The following PARD3B variants were observed in gnomAD, a reference collection of about 807,000 sequenced individuals.
The protein encoded by PARD3B is par-3 family cell polarity regulator beta, also known as partitioning defective 3 homolog B.
PARD3B carries 103 observed loss-of-function variants against 130.2 expected under a neutral mutation model. The ratio of observed to expected loss-of-function variants is 0.79; its 90% CI spans 0.67 to 0.93. The LOEUF is 0.93. Ranked by LOEUF, PARD3B falls within the 40% of genes least tolerant of loss-of-function variation. The pLI, the probability that PARD3B is intolerant of heterozygous loss-of-function variation, is 0.00. For missense variants in PARD3B, 1,609 were observed against 1,499.2 expected (o/e 1.07, Z -1.21); for synonymous variants, 583 against 553.2 (o/e 1.05, Z -0.76).
intron 18 of PARD3B, among the ~76,000 whole-genome samples, chr2:205,389,820 T>A (rs1008101228): frequency 5.3e-5 from 8 of 152,224 alleles, no homozygotes; most frequent in African/African-American, 1.9e-4. Flanking sequence ...ATAGACATCA[T>A]GTTTTTTATA....
At chr2:205,053,978 A>AT (rs879551667) in intron 4 of PARD3B, among the ~76,000 whole-genome samples, 6 of 152,156 alleles carry the variant, frequency 3.9e-5, no homozygotes, top group Non-Finnish European at 7.3e-5. Context: ...CTGTGTGCTG[A>AT]TAAGACCAGA....
At position 205,287,391 on chromosome 2, in the gene PARD3B, G is replaced by C. The variant is rs569439002; in HGVS notation, c.2186-13139G>C. Among the ~76,000 whole-genome samples the C allele has an allele frequency of 6.6e-6, 1 of 152,156 alleles. No homozygotes were observed. Among genetic ancestry groups the C allele is most frequent in the Non-Finnish European group, 1.5e-5 (1 of 68,028 alleles). ...GTCTCCATGTCAGCAGTACTCTCTC[G>C]TGCAGTTCTGGTTCCTCTCTTCAGA... On this transcript the variant is annotated intron_variant, in intron 16 of 22. Transcript: ENST00000406610. This position sits in a 1 kb window ranked among gnomAD's most constrained non-coding sequence, Gnocchi z 4.8.
intron 6 of PARD3B, among the ~76,000 whole-genome samples, chr2:205,117,767 A>T (rs16824701): frequency 0.041 from 6,271 of 152,240 alleles, 262 homozygotes; most frequent in African/African-American, 0.11. Flanking sequence ...TATCTTTCTT[A>T]CTCTGGACAC....
chr2:205,102,999 C>T lies in PARD3B; in HGVS notation c.505-1427C>T, dbSNP rs187574815. 9.2e-5 allele frequency among the ~76,000 whole-genome samples: 14 copies of T among 151,786 alleles called. 1 individual carries two copies. The highest frequency in any genetic ancestry group is 3.9e-4 in the East Asian group (2 of 5,174). ...AGGAGAATGGCATGAATCAGGGAGG[C>T]GGAGGTTGCAGTGAGCCGAGATCAT... On this transcript the variant is annotated intron_variant, in intron 4 of 22. Coordinates refer to ENST00000406610, the MANE Select transcript of PARD3B (RefSeq NM_001302769.2).
At chr2:205,514,610 AAAGAT>A (rs1447896693) in intron 21 of PARD3B, among the ~76,000 whole-genome samples, 3 of 116,474 alleles carry the variant, frequency 2.6e-5, no homozygotes. Flanking sequence ...ATAGAAATAT[AAAGAT>A]AGATACAGAC....
chr2:205,255,871 A>C (rs969255382), intron 16 of PARD3B, among the ~76,000 whole-genome samples: 2 of 152,060 alleles, frequency 1.3e-5, no homozygotes, highest in Non-Finnish European at 2.9e-5. Context: ...GGCTTCCGTA[A>C]GTAGGTAGGA....
At chr2:205,514,581 T>TATAGATAG (rs71933636) in intron 21 of PARD3B, among the ~76,000 whole-genome samples, 7 of 147,540 alleles carry the variant, frequency 4.7e-5, no homozygotes, top group African/African-American at 1.7e-4. Context: ...TACATATCAA[T>TATAGATAG]ACAGATAGAT....
intron 2 of PARD3B, among the ~76,000 whole-genome samples, chr2:204,903,768 TCTAA>T (rs1336106960): frequency 2.6e-5 from 4 of 152,238 alleles, no homozygotes; most frequent in African/African-American, 4.8e-5. Context: ...TATTTTTGCC[TCTAA>T]CTATCATTTA....
chr2:205,072,721 G>A (rs965871328), intron 4 of PARD3B, among the ~76,000 whole-genome samples: 34 of 151,998 alleles, frequency 2.2e-4, no homozygotes, highest in African/African-American at 8.0e-4. Flanking sequence ...ATCCTTCTCT[G>A]TAACTGCATT....
intron 15 of PARD3B, among the ~76,000 whole-genome samples, chr2:205,214,018 T>C (rs2125855236): frequency 6.6e-6 from 1 of 152,232 alleles, no homozygotes; most frequent in Middle Eastern, 3.4e-3. Context: ...TGGCCCCTCC[T>C]AGTCTTCTGT....
At chr2:204,690,029 G>A (rs2037280528) in intron 2 of PARD3B, among the ~76,000 whole-genome samples, 1 of 152,052 alleles carries the variant, frequency 6.6e-6, no homozygotes, top group Non-Finnish European at 1.5e-5. Flanking sequence ...GAATTAATAT[G>A]CCATACATAT....
intron 2 of PARD3B, among the ~76,000 whole-genome samples, chr2:204,964,595 G>A (rs1691060753): frequency 6.6e-6 from 1 of 151,960 alleles, no homozygotes; most frequent in South Asian, 2.1e-4. Flanking sequence ...TACAAAAATG[G>A]GATACCTATT....
chr2:204,796,228 A>G (rs2042371106), intron 2 of PARD3B, among the ~76,000 whole-genome samples: 1 of 152,230 alleles, frequency 6.6e-6, no homozygotes, highest in Non-Finnish European at 1.5e-5. Flanking sequence ...GTCTTGCAAT[A>G]TGATCAAATG....
chr2:205,298,646 T>C (rs2041879459), intron 16 of PARD3B, among the ~76,000 whole-genome samples: 1 of 152,208 alleles, frequency 6.6e-6, no homozygotes, highest in African/African-American at 2.4e-5. Context: ...TTGTTCAAAG[T>C]GCAAAGTTGT....
chr2:205,242,942 G>A (rs868229170), intron 15 of PARD3B, among the ~76,000 whole-genome samples: 10 of 152,046 alleles, frequency 6.6e-5, no homozygotes, highest in South Asian at 2.1e-4. Context: ...CAAAGCAGGC[G>A]GATCACCTGA....
intron 2 of PARD3B, among the ~76,000 whole-genome samples, chr2:204,821,692 A>G (rs2043362053): frequency 6.6e-6 from 1 of 151,920 alleles, no homozygotes; most frequent in Non-Finnish European, 1.5e-5. Flanking sequence ...TTAAAGTATA[A>G]TAATAATAAA....
intron 2 of PARD3B, among the ~76,000 whole-genome samples, chr2:204,741,187 TAGGA>T (rs2039994737): frequency 6.6e-6 from 1 of 152,100 alleles, no homozygotes; most frequent in Non-Finnish European, 1.5e-5. Context: ...CTTTTGGAAA[TAGGA>T]AGGCAGAAAA....
chr2:205,441,275 T>A (rs1000424652), intron 20 of PARD3B, among the ~76,000 whole-genome samples: 2 of 152,124 alleles, frequency 1.3e-5, no homozygotes, highest in African/African-American at 4.8e-5. Flanking sequence ...GATCTTTAGG[T>A]TTAGCAGCTA....
chr2:204,946,049 C>T (rs188504821), intron 2 of PARD3B, among the ~76,000 whole-genome samples: 16 of 152,328 alleles, frequency 1.1e-4, no homozygotes, highest in Non-Finnish European at 1.6e-4. Context: ...CCTTGCTTAA[C>T]AGCTTCCCTG....
Sources: allele counts gnomAD v4.1 joint callset (sites outside exome capture counted in the v4.1 genomes callset), GRCh38; gene constraint gnomAD v4.1.1; non-coding constraint Gnocchi (gnomAD v3.1); transcripts MANE v1.5; gene names NCBI Gene and HGNC (gene_info 2026-07-23, HGNC 2026-07-21).